ADGRB3: variants seen among roughly 807,000 people sequenced by gnomAD.
ADGRB3 encodes adhesion G protein-coupled receptor B3, also known as brain-specific angiogenesis inhibitor 3.
Under a neutral mutation model 193.4 loss-of-function variants are expected in ADGRB3, and 37 were observed. The ratio of observed to expected loss-of-function variants is 0.19; its 90% CI spans 0.15 to 0.25. The LOEUF (loss-of-function observed/expected upper bound fraction) is 0.25, where lower values mean the gene tolerates loss of function less well. Among genes scored for constraint, ADGRB3 ranks in the 10% least tolerant of loss-of-function variants. ADGRB3 has a pLI of 1.00. For synonymous variants in ADGRB3, 690 were observed against 644.2 expected, an observed-to-expected ratio of 1.07 and a Z score of -1.08; for missense variants, 1,637 against 1,852.9, an observed-to-expected ratio of 0.88 and a Z score of 2.14.
At chr6:69,056,792 G>A (rs1345978918) in intron 15 of ADGRB3, among the ~76,000 whole-genome samples, 2 of 152,056 alleles carry the variant, frequency 1.3e-5, no homozygotes, top group Non-Finnish European at 2.9e-5. Flanking sequence ...ATTCTGTTCT[G>A]TTGGTCTATA....
intron 8 of ADGRB3, among the ~76,000 whole-genome samples, chr6:68,966,861 G>A (rs34617600): frequency 0.063 from 9,664 of 152,274 alleles, 347 homozygotes; most frequent in African/African-American, 0.099. Flanking sequence ...GTGGCACTGA[G>A]AAGTACCTAG....
intron 3 of ADGRB3, among the ~76,000 whole-genome samples, chr6:68,847,932 AAAG>A (rs1204966031): frequency 6.6e-6 from 1 of 152,104 alleles, no homozygotes; most frequent in Non-Finnish European, 1.5e-5. Context: ...GAATAGAAAA[AAAG>A]AAGAAAGTGA....
intron 30 of ADGRB3, among the ~76,000 whole-genome samples, chr6:69,376,082 CT>C (rs58780409): frequency 3.6e-3 from 242 of 67,362 alleles, no homozygotes; most frequent in African/African-American, 0.011. Flanking sequence ...ATTATGTAGC[CT>C]TTTTTTTTTT....
intron 17 of ADGRB3, among the ~76,000 whole-genome samples, chr6:69,205,477 G>A (rs1582543469): frequency 6.6e-6 from 1 of 151,532 alleles, no homozygotes; most frequent in Admixed American, 6.6e-5. Flanking sequence ...ACAGTACCCA[G>A]TTTCTTAGTC....
At chr6:69,261,080 G>A (rs940003277) in intron 20 of ADGRB3, among the ~76,000 whole-genome samples, 16 of 152,030 alleles carry the variant, frequency 1.1e-4, no homozygotes, top group African/African-American at 3.9e-4. Flanking sequence ...ACAGGCTTTT[G>A]TATTTGAATA....
chr6:69,233,158 C>G (rs748463181), intron 17 of ADGRB3, 132 bp from the exon 18 acceptor site: 5 of 1,272,384 alleles, frequency 3.9e-6, no homozygotes, highest in African/African-American at 1.5e-5. Context: ...TGTTCAACAA[C>G]AAGTAGATTT....
At chr6:68,680,282 A>G (rs1050888723) in intron 3 of ADGRB3, among the ~76,000 whole-genome samples, 7 of 151,442 alleles carry the variant, frequency 4.6e-5, no homozygotes, top group Admixed American at 6.6e-5. Flanking sequence ...AACTAGAAGG[A>G]AAAAAAAACC....
chr6:68,819,669 G>T (rs755794123), intron 3 of ADGRB3, among the ~76,000 whole-genome samples: 2 of 151,968 alleles, frequency 1.3e-5, no homozygotes, highest in African/African-American at 2.4e-5. Flanking sequence ...TTTCCCCATG[G>T]AAATGTACTT....
At chr6:69,151,669 T>C (rs1032032239) in intron 17 of ADGRB3, among the ~76,000 whole-genome samples, 2 of 152,146 alleles carry the variant, frequency 1.3e-5, no homozygotes, top group African/African-American at 4.8e-5. Flanking sequence ...TATTTGGCCA[T>C]TTTGCTCTGC....
chr6:69,304,099 A>T (rs3799085), intron 20 of ADGRB3, among the ~76,000 whole-genome samples: 69,934 of 149,502 alleles, frequency 0.47, 18,046 homozygotes, highest in African/African-American at 0.69. Context: ...GGTTTTTTTT[A>T]AAAAAAAGAG....
chr6:69,002,729 C>G (rs1041425162), intron 11 of ADGRB3, among the ~76,000 whole-genome samples: 3 of 152,098 alleles, frequency 2.0e-5, no homozygotes, highest in Non-Finnish European at 4.4e-5. Context: ...ATAATACCCT[C>G]ATATAATGAT....
At chr6:69,270,646 C>G (rs1023899835) in intron 20 of ADGRB3, among the ~76,000 whole-genome samples, 1 of 152,074 alleles carries the variant, frequency 6.6e-6, no homozygotes, top group African/African-American at 2.4e-5. Context: ...TTGAGTCAAT[C>G]AAACACATAG....
intron 6 of ADGRB3, among the ~76,000 whole-genome samples, chr6:68,954,463 G>A (rs1243172578): frequency 6.6e-6 from 1 of 151,976 alleles, no homozygotes; most frequent in East Asian, 1.9e-4. Context: ...CCATCTAAGA[G>A]TCACCTGGAT....
intron 3 of ADGRB3, among the ~76,000 whole-genome samples, chr6:68,650,497 A>T (rs1320452823): frequency 6.6e-6 from 1 of 152,176 alleles, no homozygotes; most frequent in Non-Finnish European, 1.5e-5. Context: ...AAAACAAATT[A>T]CTTCAAGGCT....
At chr6:68,967,394 G>A (rs1167493189) in intron 8 of ADGRB3, among the ~76,000 whole-genome samples, 1 of 152,196 alleles carries the variant, frequency 6.6e-6, no homozygotes, top group Non-Finnish European at 1.5e-5. Flanking sequence ...ACCAGAGTGA[G>A]GATGTGTGTA....
chr6:69,267,835 G>A (rs1767081339), intron 20 of ADGRB3, among the ~76,000 whole-genome samples: 1 of 151,974 alleles, frequency 6.6e-6, no homozygotes, highest in Admixed American at 6.6e-5. Context: ...GTTTTTTCCC[G>A]ACATCTTGGG....
chr6:68,895,798 A>G (rs1308889843), intron 3 of ADGRB3, among the ~76,000 whole-genome samples: 1 of 151,920 alleles, frequency 6.6e-6, no homozygotes, highest in Non-Finnish European at 1.5e-5. Flanking sequence ...TTCCTCCTGA[A>G]TTGTCATTAT....
At chr6:68,777,425 T>C (rs747690743) in intron 3 of ADGRB3, among the ~76,000 whole-genome samples, 2 of 152,066 alleles carry the variant, frequency 1.3e-5, no homozygotes, top group African/African-American at 4.8e-5. Context: ...GCTGTGAATA[T>C]CTCTATACTT....
chr6:69,010,500 G>T (rs1769899415), intron 11 of ADGRB3, among the ~76,000 whole-genome samples: 2 of 151,964 alleles, frequency 1.3e-5, no homozygotes, highest in South Asian at 4.1e-4. Flanking sequence ...TCATAAAGTT[G>T]CCATATATCA....
Sources: allele counts gnomAD v4.1 joint callset (sites outside exome capture counted in the v4.1 genomes callset), GRCh38; gene constraint gnomAD v4.1.1; transcripts MANE v1.5; gene names NCBI Gene and HGNC (gene_info 2026-07-23, HGNC 2026-07-21).